The following RGS20 variants were observed in gnomAD, a reference collection of about 807,000 sequenced individuals.
RGS20 encodes gz-selective GTPase-activating protein.
A neutral mutation model predicts 33.6 loss-of-function variants in RGS20; 30 were observed. The ratio of observed to expected loss-of-function variants is 0.89; its 90% CI spans 0.67 to 1.21. The LOEUF is 1.21. Ranked by LOEUF, RGS20 falls within the 50% of genes most tolerant of loss-of-function variation. The pLI, the probability that RGS20 is intolerant of heterozygous loss-of-function variation, is 0.00. For synonymous variants in RGS20, 208 were observed against 197.9 expected (o/e 1.05, Z -0.43); for missense variants, 472 against 502.4 (o/e 0.94, Z 0.58).
At chr8:53,948,080 T>C (rs1814576046) in intron 4 of RGS20, among the ~76,000 whole-genome samples, 1 of 135,954 alleles carries the variant, frequency 7.4e-6, no homozygotes, top group South Asian at 2.3e-4. Flanking sequence ...TTATATATGC[T>C]ATATATAAGA....
In RGS20 at chr8:53,958,428, G is replaced by A; in HGVS notation, c.1137G>A (p.Gln379=). The change falls in exon 6 of 6, where the codon CAG becomes CAA. Residue 379 remains glutamine (Q), a synonymous_variant. Coordinates refer to ENST00000297313, the MANE Select transcript of RGS20 (RefSeq NM_170587.4). ...CTGCTGTCTATAAGGACTTGCTTCA[G>A]TCCTTATCGGAGAAATCTATTGAAG... is the stretch of plus-strand genomic sequence containing the variant. 1 of 1,552,532 alleles carries A rather than the reference G, an allele frequency of 6.4e-7. No individual in the cohort carries two copies. Among genetic ancestry groups the A allele is most frequent in the South Asian group, 1.3e-5 (1 of 78,404 alleles).
At chr8:53,941,887 C>G (rs1225335667) in intron 3 of RGS20, among the ~76,000 whole-genome samples, 3 of 152,044 alleles carry the variant, frequency 2.0e-5, no homozygotes. Flanking sequence ...CTAGGCAAAC[C>G]AGGAAAATTG....
chr8:53,885,111 A>G (rs1046352926), intron 2 of RGS20, among the ~76,000 whole-genome samples: 6 of 152,218 alleles, frequency 3.9e-5, no homozygotes, highest in Non-Finnish European at 8.8e-5. Flanking sequence ...ATTATTCTAG[A>G]TTTTATGGAC....
intron 1 of RGS20, among the ~76,000 whole-genome samples, chr8:53,875,799 A>T (rs1343849549): frequency 6.6e-6 from 1 of 152,234 alleles, no homozygotes; most frequent in African/African-American, 2.4e-5. Context: ...ATTCTTTTTA[A>T]GAGTTGTATG....
chr8:53,865,846 G>A (rs550240152), intron 1 of RGS20, among the ~76,000 whole-genome samples: 11 of 152,148 alleles, frequency 7.2e-5, no homozygotes, highest in Non-Finnish European at 1.3e-4. Flanking sequence ...GGCCTCAAGT[G>A]ATCTACCTGC....
intron 1 of RGS20, among the ~76,000 whole-genome samples, chr8:53,856,785 G>A (rs1385155303): frequency 1.3e-5 from 2 of 152,212 alleles, no homozygotes; most frequent in Non-Finnish European, 2.9e-5. Flanking sequence ...CCATTCCAAA[G>A]TCAATGCCCT....
chr8:53,939,722 G>A lies in RGS20; in HGVS notation c.657G>A (p.Ser219=), dbSNP rs1228066014. Residue 219 remains serine, a splice_region_variant and synonymous_variant, in exon 3 of 6, where the codon TCG becomes TCA. Coordinates refer to ENST00000297313, the MANE Select transcript of RGS20 (RefSeq NM_170587.4). ...GCTGGTGCTGCTGTTGTAGCTGCTCGTGGTAAGGTTTGGGGCTTTTTAATG... is the reference window on the plus strand; with the variant it reads ...GCTGGTGCTGCTGTTGTAGCTGCTCATGGTAAGGTTTGGGGCTTTTTAATG... 1.3e-6 allele frequency: 2 copies of A among 1,553,696 alleles called. No individual in the cohort carries two copies. The highest frequency in any genetic ancestry group is 2.0e-5 in the Admixed American group (1 of 50,896).
At chr8:53,882,399 C>T (rs979364056) in intron 2 of RGS20, among the ~76,000 whole-genome samples, 2 of 152,070 alleles carry the variant, frequency 1.3e-5, no homozygotes, top group African/African-American at 2.4e-5. Context: ...AGCGAGCGAC[C>T]CCAGCAGCAG....
intron 1 of RGS20, among the ~76,000 whole-genome samples, chr8:53,867,881 C>A (rs962014154): frequency 6.6e-6 from 1 of 152,122 alleles, no homozygotes; most frequent in Non-Finnish European, 1.5e-5. Flanking sequence ...CGCCACCACA[C>A]CTGTCTAATT....
At chr8:53,871,112 CAAAAAAAAAAAA>C (rs370091533) in intron 1 of RGS20, among the ~76,000 whole-genome samples, 60 of 21,468 alleles carry the variant, frequency 2.8e-3, no homozygotes, top group South Asian at 0.012. Context: ...CTCCATCTCA[CAAAAAAAAAAAA>C]AAAAAAAAAA....
chr8:53,905,337 G>T (rs1813134874), intron 2 of RGS20, among the ~76,000 whole-genome samples: 1 of 152,184 alleles, frequency 6.6e-6, no homozygotes, highest in Non-Finnish European at 1.5e-5. Context: ...AAATCCACCA[G>T]CTACTAAACT....
At chr8:53,952,900 A>C (rs1468524063) in intron 4 of RGS20, among the ~76,000 whole-genome samples, 1 of 152,226 alleles carries the variant, frequency 6.6e-6, no homozygotes, top group African/African-American at 2.4e-5. Context: ...GGGTAAGCCC[A>C]AAATCAAGTA....
chr8:53,908,087 C>CA (rs1367138782), intron 2 of RGS20, among the ~76,000 whole-genome samples: 1 of 152,094 alleles, frequency 6.6e-6, no homozygotes, highest in Non-Finnish European at 1.5e-5. Context: ...ATCTGAAGAT[C>CA]ATTGACAGTG....
chr8:53,863,344 T>C (rs1018311783), intron 1 of RGS20, among the ~76,000 whole-genome samples: 3 of 152,144 alleles, frequency 2.0e-5, no homozygotes, highest in African/African-American at 7.2e-5. Context: ...TGCTCCCTTC[T>C]TGGAATACAG....
At chr8:53,914,162 C>G (rs1018177707) in intron 2 of RGS20, among the ~76,000 whole-genome samples, 3 of 151,994 alleles carry the variant, frequency 2.0e-5, no homozygotes, top group Non-Finnish European at 4.4e-5. Flanking sequence ...TACTGAGTAA[C>G]TAGTACTATA....
chr8:53,943,190 A>G (rs992502659), intron 3 of RGS20, among the ~76,000 whole-genome samples: 1 of 152,142 alleles, frequency 6.6e-6, no homozygotes, highest in African/African-American at 2.4e-5. Context: ...TGAGATGGGG[A>G]AAAGTACACA....
intron 4 of RGS20, among the ~76,000 whole-genome samples, chr8:53,948,659 A>T (rs1340730964): frequency 7.5e-6 from 1 of 133,828 alleles, no homozygotes; most frequent in African/African-American, 2.9e-5. Flanking sequence ...GATACAGTAC[A>T]TATTTACATA....
intron 2 of RGS20, chr8:53,880,986 T>G (rs1199513466): frequency 1.3e-6 from 2 of 1,591,590 alleles, no homozygotes; most frequent in Non-Finnish European, 1.7e-6. Flanking sequence ...CCCTCCGCGC[T>G]GCAATATTGA....
chr8:53,910,774 C>T (rs1036906187), intron 2 of RGS20, among the ~76,000 whole-genome samples: 8 of 152,194 alleles, frequency 5.3e-5, no homozygotes, highest in African/African-American at 1.9e-4. Context: ...TACTGATACA[C>T]ACGACCAGGT....
Sources: allele counts gnomAD v4.1 joint callset (sites outside exome capture counted in the v4.1 genomes callset), GRCh38; gene constraint gnomAD v4.1.1; transcripts MANE v1.5; gene names NCBI Gene and HGNC (gene_info 2026-07-23, HGNC 2026-07-21).